Variants in KCNIP4 observed in about 807,000 individuals in gnomAD.
KCNIP4 encodes the protein potassium voltage-gated channel interacting protein 4.
In KCNIP4, 12 loss-of-function variants were observed where a neutral mutation model predicts 34.0. The ratio of observed to expected loss-of-function variants is 0.35; its 90% CI spans 0.23 to 0.57. The LOEUF is 0.57. KCNIP4 is among the 20% of genes least tolerant of loss of function. The probability of loss-of-function intolerance (pLI) is 0.83; values close to 1 mark genes in which losing one functional copy is unlikely to be tolerated. For synonymous variants in KCNIP4, 124 were observed against 102.2 expected (o/e 1.21, Z -1.29); for missense variants, 238 against 311.7 (o/e 0.76, Z 1.78).
chr4:21,333,802 T>C (rs577580812), intron 1 of KCNIP4, among the ~76,000 whole-genome samples: 2 of 152,246 alleles, frequency 1.3e-5, no homozygotes, highest in South Asian at 4.1e-4. Context: ...AAATTAAAGA[T>C]GTGTTAAAAG....
chr4:21,196,339 C>T (rs1420077701), intron 1 of KCNIP4, among the ~76,000 whole-genome samples: 1 of 152,156 alleles, frequency 6.6e-6, no homozygotes, highest in Non-Finnish European at 1.5e-5. Flanking sequence ...CATATTTTCT[C>T]ATAGTAAGTA....
At chr4:21,242,184 A>AAAAAG (rs1225591658) in intron 1 of KCNIP4, among the ~76,000 whole-genome samples, 3 of 150,480 alleles carry the variant, frequency 2.0e-5, no homozygotes, top group Admixed American at 6.6e-5. Context: ...AAAAAAAAAA[A>AAAAAG]AAGAATGTCT....
chr4:21,539,877 G>A (rs998005801), intron 1 of KCNIP4, among the ~76,000 whole-genome samples: 3 of 151,992 alleles, frequency 2.0e-5, no homozygotes, highest in Admixed American at 6.5e-5. Flanking sequence ...TACTCGGAAG[G>A]CTGAAGCAGG....
At chr4:21,003,028 C>T (rs560681118) in intron 1 of KCNIP4, among the ~76,000 whole-genome samples, 1 of 152,236 alleles carries the variant, frequency 6.6e-6, no homozygotes, top group South Asian at 2.1e-4. Flanking sequence ...TAGCTAGCAT[C>T]ATAATGACAA....
chr4:21,587,272 C>T (rs770441143), intron 1 of KCNIP4, among the ~76,000 whole-genome samples: 4 of 152,044 alleles, frequency 2.6e-5, no homozygotes, highest in Admixed American at 2.6e-4. Context: ...TCCATTTTCT[C>T]ATGTCAGAGA....
At chr4:21,072,683 C>T (rs1054992369) in intron 1 of KCNIP4, among the ~76,000 whole-genome samples, 2 of 152,084 alleles carry the variant, frequency 1.3e-5, no homozygotes, top group African/African-American at 4.8e-5. Flanking sequence ...GTTTTTGTTG[C>T]CATTGCTTTT....
chr4:21,766,973 G>A (rs1168909121), intron 1 of KCNIP4, among the ~76,000 whole-genome samples: 2 of 152,106 alleles, frequency 1.3e-5, no homozygotes, highest in African/African-American at 2.4e-5. Context: ...AACAGAAAAT[G>A]CACAAGGAAA....
intron 1 of KCNIP4, among the ~76,000 whole-genome samples, chr4:21,879,330 G>T (rs1335303928): frequency 3.9e-5 from 6 of 152,146 alleles, no homozygotes; most frequent in Admixed American, 3.9e-4. Context: ...CCATGAACTG[G>T]AAATGTTTTG....
At chr4:21,938,241 T>C (rs912786559) in intron 1 of KCNIP4, among the ~76,000 whole-genome samples, 1 of 152,148 alleles carries the variant, frequency 6.6e-6, no homozygotes, top group Non-Finnish European at 1.5e-5. Context: ...CTTATACCTG[T>C]TTCCAAAGCA....
At chr4:21,385,650 A>G (rs1721961434) in intron 1 of KCNIP4, among the ~76,000 whole-genome samples, 1 of 152,210 alleles carries the variant, frequency 6.6e-6, no homozygotes, top group African/African-American at 2.4e-5. Context: ...CAGCCACATA[A>G]GGAATAGTAA....
Position 21,048,265 on chromosome 4 carries a change from C to T in KCNIP4, c.62-165556G>A, listed in dbSNP as rs556376413. On this transcript the variant is annotated intron_variant, in intron 1 of 8. Coordinates refer to ENST00000382152, the MANE Select transcript of KCNIP4 (RefSeq NM_025221.6). ...CTGATATGCATCAGATCTTCCTCCT[C>T]TATCTCCTTGCTGTGTGATCTGGAA... is the stretch of plus-strand genomic sequence containing the variant. 7.2e-4 allele frequency among the ~76,000 whole-genome samples: 110 copies of T among 152,152 alleles called. 1 individual carries two copies. The highest frequency in any genetic ancestry group is 3.2e-3 in the Middle Eastern group (1 of 316).
chr4:21,149,610 A>G (rs1382528279), intron 1 of KCNIP4, among the ~76,000 whole-genome samples: 3 of 152,196 alleles, frequency 2.0e-5, no homozygotes, highest in African/African-American at 7.2e-5. Flanking sequence ...CCAGAAAAAA[A>G]ATTTAGAATG....
intron 1 of KCNIP4, among the ~76,000 whole-genome samples, chr4:21,944,235 G>C (rs62301455): frequency 6.6e-6 from 1 of 151,924 alleles, no homozygotes; most frequent in Non-Finnish European, 1.5e-5. Flanking sequence ...GGCAAAAAGA[G>C]GAAATAAGTG....
intron 1 of KCNIP4, among the ~76,000 whole-genome samples, chr4:21,319,172 A>G (rs1714114435): frequency 6.6e-6 from 1 of 152,188 alleles, no homozygotes; most frequent in Admixed American, 6.5e-5. Context: ...ATAAATCTAA[A>G]GGGAGCCAAG....
intron 1 of KCNIP4, among the ~76,000 whole-genome samples, chr4:21,771,529 T>C (rs1320225853): frequency 1.3e-5 from 2 of 152,238 alleles, no homozygotes; most frequent in Non-Finnish European, 2.9e-5. Flanking sequence ...TAAATTACTT[T>C]GGGCATTATG....
chr4:21,794,394 T>G (rs1577998732), intron 1 of KCNIP4, among the ~76,000 whole-genome samples: 1 of 152,214 alleles, frequency 6.6e-6, no homozygotes. Flanking sequence ...ATTGAATGGG[T>G]ACATTTTCAA....
chr4:21,716,542 G>A (rs191248744), intron 1 of KCNIP4, among the ~76,000 whole-genome samples: 8 of 152,016 alleles, frequency 5.3e-5, no homozygotes, highest in South Asian at 2.1e-4. Context: ...GTGCTGGGCC[G>A]GTAGTCTTTA....
At chr4:21,344,600 GA>G (rs1717108691) in intron 1 of KCNIP4, among the ~76,000 whole-genome samples, 1 of 152,012 alleles carries the variant, frequency 6.6e-6, no homozygotes, top group Non-Finnish European at 1.5e-5. Flanking sequence ...TATGATGCAA[GA>G]AAAAGAAAAG....
intron 1 of KCNIP4, among the ~76,000 whole-genome samples, chr4:21,791,588 G>A (rs926503936): frequency 1.3e-5 from 2 of 152,112 alleles, no homozygotes; most frequent in Non-Finnish European, 2.9e-5. Context: ...ACTCACTCTG[G>A]TGAGTAAGAT....
Sources: gnomAD v4.1 joint callset for allele counts (sites outside exome capture counted in the v4.1 genomes callset) on GRCh38, gnomAD v4.1.1 for gene constraint, MANE v1.5 for transcripts, NCBI Gene and HGNC (gene_info 2026-07-23, HGNC 2026-07-21) for gene names.